GNA11: variants seen among roughly 807,000 people sequenced by gnomAD.
GNA11 encodes the protein guanine nucleotide-binding protein subunit alpha-11.
GNA11 carries 8 observed loss-of-function variants against 38.2 expected under a neutral mutation model. The observed-to-expected ratio is 0.21, with a 90% confidence interval of 0.12 to 0.38. GNA11 has a LOEUF of 0.38. Ranked by LOEUF, GNA11 falls within the 10% of genes least tolerant of loss-of-function variation. The pLI, the probability that GNA11 is intolerant of heterozygous loss-of-function variation, is 1.00. For synonymous variants in GNA11, 211 were observed against 221.4 expected (o/e 0.95, Z 0.42); for missense variants, 268 against 516.3 (o/e 0.52, Z 4.66).
intron 1 of GNA11, among the ~76,000 whole-genome samples, chr19:3,102,440 C>T (rs547522490): frequency 1.2e-3 from 190 of 152,302 alleles, no homozygotes; most frequent in Middle Eastern, 0.01. Context: ...CGGGGTGAGC[C>T]GGGTGCACTT....
At chr19:3,097,387 T>C (rs958984391) in intron 1 of GNA11, among the ~76,000 whole-genome samples, 6 of 151,996 alleles carry the variant, frequency 3.9e-5, no homozygotes. Flanking sequence ...TACAGCGTTG[T>C]GGAGTGGATG....
At position 3,110,299 on chromosome 19, in the gene GNA11, C is replaced by T. The variant is rs756991534; in HGVS notation, c.287C>T (p.Thr96Met). 35 of 1,613,824 alleles carry T rather than the reference C, an allele frequency of 2.2e-5. 1 individual carries two copies. The highest frequency in any genetic ancestry group is 8.9e-5 in the East Asian group (4 of 44,874). ...CAGGCCATGATCCGGGCCATGGAGA[C>T]GCTCAAGATCCTCTACAAGTACGAG... is the stretch of plus-strand genomic sequence containing the variant. The part of the protein sequence containing the change: ...AMQAMIRAME[T>M]LKILYKYEQN... Residue 96 changes from threonine (T) to methionine (M), a missense_variant, in exon 2 of 7, where the codon ACG becomes ATG. Around this residue, in one of 3 missense-constraint regions of GNA11, gnomAD observed 151 missense variants for 254.0 expected, o/e 0.59. Transcript: ENST00000078429. The surrounding 1 kb of genome is among the most constrained non-coding windows in gnomAD (Gnocchi z 5.4).
At chr19:3,112,547 C>A (rs531860353) in intron 2 of GNA11, among the ~76,000 whole-genome samples, 4 of 152,370 alleles carry the variant, frequency 2.6e-5, no homozygotes, top group South Asian at 2.1e-4. Flanking sequence ...ATGGCCCCCC[C>A]ACAGTGTCTG....
At chr19:3,101,141 G>A (rs1913493192) in intron 1 of GNA11, among the ~76,000 whole-genome samples, 1 of 152,192 alleles carries the variant, frequency 6.6e-6, no homozygotes, top group Non-Finnish European at 1.5e-5. Flanking sequence ...ATGTTTCAGG[G>A]GCCCTGCAGG....
chr19:3,105,391 T>G, intron 1 of GNA11, among the ~76,000 whole-genome samples: 1 of 103,602 alleles, frequency 9.7e-6, no homozygotes, highest in African/African-American at 3.8e-5. Context: ...TTCTGTGGAT[T>G]TGGGGGGTTG....
At chr19:3,095,045 C>T in intron 1 of GNA11, among the ~76,000 whole-genome samples, 1 of 151,820 alleles carries the variant, frequency 6.6e-6, no homozygotes, top group Non-Finnish European at 1.5e-5. Flanking sequence ...CCTGTGTCGT[C>T]TGGGTCGGCT....
rs1407589092 is a variant in GNA11 at position 3,108,318 on chromosome 19, A to G, written c.137-1831A>G. 1.3e-5 allele frequency among the ~76,000 whole-genome samples: 2 copies of G among 152,186 alleles called. No homozygotes were observed. The highest frequency in any genetic ancestry group is 2.9e-5 in the Non-Finnish European group (2 of 68,036). On this transcript the variant is annotated intron_variant, in intron 1 of 6. Transcript: ENST00000078429. The surrounding 1 kb of genome is among the most constrained non-coding windows in gnomAD (Gnocchi z 4.5). ...CCATGGGCAGCAAGGAAGGTTCCAG[A>G]AAGTACCGGAGGGAGAGTTGTGTTG... is the stretch of plus-strand genomic sequence containing the variant.
Position 3,120,434 on chromosome 19 carries a change from G to C in GNA11, c.890-555G>C, listed in dbSNP as rs1914039930. On this transcript the variant is annotated intron_variant, in intron 6 of 6. Coordinates refer to ENST00000078429, the MANE Select transcript of GNA11 (RefSeq NM_002067.5). The surrounding 1 kb of genome is among the most constrained non-coding windows in gnomAD (Gnocchi z 5.9). Reference sequence around the variant, plus strand: ...ACACCCCCAGGGGCCTTTCCACCGGGGCAGGCAGGAGTTACTGGGCGGGTC... The same window carrying C: ...ACACCCCCAGGGGCCTTTCCACCGGCGCAGGCAGGAGTTACTGGGCGGGTC... Among the ~76,000 whole-genome samples, 1 of 152,102 alleles carries C rather than the reference G, an allele frequency of 6.6e-6. No individual in the cohort carries two copies. Among genetic ancestry groups the C allele is most frequent in the Non-Finnish European group, 1.5e-5 (1 of 67,976 alleles).
rs767868573 is a variant in GNA11, at chr19:3,121,454, TA to T, written c.*291del. On this transcript the variant is annotated 3_prime_UTR_variant, in exon 7 of 7. Coordinates refer to ENST00000078429, the MANE Select transcript of GNA11 (RefSeq NM_002067.5). ...CCTTGACTTATGGCTCGCTTTTTTCTAAAAAAAAAAAAAAAAGAAAGAAAGA... is the reference window on the plus strand; with the variant it reads ...CCTTGACTTATGGCTCGCTTTTTTCTAAAAAAAAAAAAAAAGAAAGAAAGA... 0.058 allele frequency: 11,106 copies of T among 190,836 alleles called. No individual in the cohort carries two copies. The highest frequency in any genetic ancestry group is 0.12 in the Middle Eastern group (79 of 652). 11.8% of individuals were successfully genotyped at this position (190,836 alleles called of 1,614,324 possible). A position where few individuals can be genotyped will look rare whatever the true frequency, so the allele number is the denominator to read the frequency against.
rs41304768 is a variant in GNA11 at position 3,123,229 on chromosome 19, C to A, written c.*2050C>A. On this transcript the variant is annotated 3_prime_UTR_variant, in exon 7 of 7. Coordinates refer to ENST00000078429, the MANE Select transcript of GNA11 (RefSeq NM_002067.5). ...GGGTGGAGTCGCCCAGCACGCAGGCCGGGGCGCTGCGGGGCTAAGTATTAG... is the reference window on the plus strand; with the variant it reads ...GGGTGGAGTCGCCCAGCACGCAGGCAGGGGCGCTGCGGGGCTAAGTATTAG... 0.05 allele frequency: 11,750 copies of A among 233,282 alleles called. 343 individuals are homozygous for A. The highest frequency in any genetic ancestry group is 0.061 in the African/African-American group (2,760 of 45,454). 14.5% of individuals were successfully genotyped at this position (233,282 alleles called of 1,614,324 possible).
Position 3,110,485 on chromosome 19 carries a change from G to A in GNA11, c.321+152G>A. 2 of 626,706 alleles carry A rather than the reference G, an allele frequency of 3.2e-6. No homozygotes were observed. The highest frequency in any genetic ancestry group is 5.5e-6 in the Non-Finnish European group (2 of 361,440). The allele number at this position is 626,706 out of a possible 1,614,324, so 38.8% of individuals were successfully genotyped here. ...ATCCATCCGTTCCTGTCATGGACAT[G>A]GAAACAGCAACCGCTGACTTCCTGG... On this transcript the variant is annotated intron_variant, in intron 2 of 6. Coordinates refer to ENST00000078429, the MANE Select transcript of GNA11 (RefSeq NM_002067.5). The surrounding 1 kb of genome is among the most constrained non-coding windows in gnomAD (Gnocchi z 5.4).
chr19:3,103,628 C>A (rs954327555), intron 1 of GNA11, among the ~76,000 whole-genome samples: 2 of 129,554 alleles, frequency 1.5e-5, no homozygotes, highest in African/African-American at 2.9e-5. Context: ...TGGGTTCAAG[C>A]GTTTCTCCTG....
At chr19:3,097,913 G>A (rs1272694661) in intron 1 of GNA11, among the ~76,000 whole-genome samples, 4 of 152,214 alleles carry the variant, frequency 2.6e-5, no homozygotes, top group Non-Finnish European at 4.4e-5. Flanking sequence ...CCCCCAAGTC[G>A]TGATAACCAC....
chr19:3,113,223 G>A (rs1245758830), intron 2 of GNA11, 107 bp from the exon 3 acceptor site: 1 of 1,080,868 alleles, frequency 9.3e-7, no homozygotes, highest in African/African-American at 1.6e-5. Context: ...ACAGCCTGCG[G>A]AATGCCGCCC....
Position 3,108,627 on chromosome 19 carries a change from A to T in GNA11, c.137-1522A>T, listed in dbSNP as rs1913692537. 1.3e-5 allele frequency among the ~76,000 whole-genome samples: 2 copies of T among 152,208 alleles called. No homozygotes were observed. The highest frequency in any genetic ancestry group is 2.9e-5 in the Non-Finnish European group (2 of 68,042). On this transcript the variant is annotated intron_variant, in intron 1 of 6. Coordinates refer to ENST00000078429, the MANE Select transcript of GNA11 (RefSeq NM_002067.5). The surrounding 1 kb of genome is among the most constrained non-coding windows in gnomAD (Gnocchi z 4.5). ...TAATACCTGAGTAGAGAGTTGAGGCAGTCTCTTTTTAGAAATTAGAAGTTA... is the reference window on the plus strand; with the variant it reads ...TAATACCTGAGTAGAGAGTTGAGGCTGTCTCTTTTTAGAAATTAGAAGTTA...
chr19:3,100,959 T>C (rs1913488469), intron 1 of GNA11, among the ~76,000 whole-genome samples: 1 of 152,164 alleles, frequency 6.6e-6, no homozygotes, highest in Admixed American at 6.5e-5. Flanking sequence ...TGGGCGGTGG[T>C]GCTCCCTGGA....
rs1187945969 is a variant in GNA11 at position 3,120,055 on chromosome 19, T to C, written c.889+696T>C. 6.6e-6 allele frequency among the ~76,000 whole-genome samples: 1 copy of C among 152,084 alleles called. No homozygotes were observed. Among genetic ancestry groups the C allele is most frequent in the East Asian group, 1.9e-4 (1 of 5,178 alleles). On this transcript the variant is annotated intron_variant, in intron 6 of 6. Coordinates refer to ENST00000078429, the MANE Select transcript of GNA11 (RefSeq NM_002067.5). The surrounding 1 kb of genome is among the most constrained non-coding windows in gnomAD (Gnocchi z 5.9). ...TGCTGTCACCACTCAGAGCTGTCCCTGCCAGGCACAGTGAGGCCCTGGGCA... is the reference window on the plus strand; with the variant it reads ...TGCTGTCACCACTCAGAGCTGTCCCCGCCAGGCACAGTGAGGCCCTGGGCA...
chr19:3,103,777 C>T (rs1377845822), intron 1 of GNA11, among the ~76,000 whole-genome samples: 1 of 151,460 alleles, frequency 6.6e-6, no homozygotes, highest in Non-Finnish European at 1.5e-5. Context: ...GATCTCAGCT[C>T]ACCACAAGCT....
chr19:3,096,102 C>CT (rs1913357110), intron 1 of GNA11, among the ~76,000 whole-genome samples: 1 of 152,106 alleles, frequency 6.6e-6, no homozygotes, highest in Non-Finnish European at 1.5e-5. Flanking sequence ...GGCGGTGGCT[C>CT]TTGGGGAGGA....
Sources: allele counts gnomAD v4.1 joint callset (sites outside exome capture counted in the v4.1 genomes callset), GRCh38; gene constraint gnomAD v4.1.1; regional missense constraint gnomAD v4.1.1; non-coding constraint Gnocchi (gnomAD v3.1); transcripts MANE v1.5; gene names NCBI Gene and HGNC (gene_info 2026-07-23, HGNC 2026-07-21).